LRRFIP1: variants seen among roughly 807,000 people sequenced by gnomAD.
LRRFIP1 encodes leucine-rich repeat flightless-interacting protein 1.
A neutral mutation model predicts 104.4 loss-of-function variants in LRRFIP1; 62 were observed. That is an observed-to-expected ratio of 0.59 (90% confidence interval 0.48 to 0.73). The LOEUF is 0.73. Ranked by LOEUF, LRRFIP1 falls within the 30% of genes least tolerant of loss-of-function variation. LRRFIP1 has a pLI of 0.00. For missense variants in LRRFIP1, 796 were observed against 824.5 expected, an observed-to-expected ratio of 0.97 and a Z score of 0.42; for synonymous variants, 300 against 299.0, an observed-to-expected ratio of 1.00 and a Z score of -0.03.
In LRRFIP1 at chr2:237,708,635, C is replaced by T. The variant is rs752576293; in HGVS notation, c.183+5C>T. 19 of 1,593,656 alleles carry T rather than the reference C, an allele frequency of 1.2e-5. No individual in the cohort carries two copies. Among genetic ancestry groups the T allele is most frequent in the Admixed American group, 3.5e-5 (2 of 57,518 alleles). ...CTGGAGCGGCAGCAGAAGGAGGTAA[C>T]GCTTGGGGCTCCTTGTTGGGTCTTT... is the stretch of plus-strand genomic sequence containing the variant. On this transcript the variant is annotated splice_donor_5th_base_variant and intron_variant, in intron 2 of 23. Coordinates refer to ENST00000308482, the MANE Select transcript of LRRFIP1 (RefSeq NM_001137550.2).
In LRRFIP1 at chr2:237,649,746, G is replaced by A. The variant is rs542043666; in HGVS notation, c.96+22006G>A. Among the ~76,000 whole-genome samples the A allele has an allele frequency of 5.3e-5, 8 of 152,076 alleles. No homozygotes were observed. The highest frequency in any genetic ancestry group is 1.9e-4 in the East Asian group (1 of 5,186). On this transcript the variant is annotated intron_variant, in intron 1 of 23. Coordinates refer to ENST00000308482, the MANE Select transcript of LRRFIP1 (RefSeq NM_001137550.2). The surrounding 1 kb of genome is among the most constrained non-coding windows in gnomAD (Gnocchi z 4.1). ...CCCTGCCGCGGTTCGGAAGCTCCAC[G>A]GGGGCCAGTGTTGTTCAGGCCTCAC...
At chr2:237,684,843 T>C (rs546075574) in intron 1 of LRRFIP1, among the ~76,000 whole-genome samples, 2 of 152,048 alleles carry the variant, frequency 1.3e-5, no homozygotes, top group East Asian at 3.9e-4. Context: ...TTCCAACACT[T>C]TGGGAGGCCA....
At chr2:237,770,988 T>C (rs762087614) in intron 20 of LRRFIP1, among the ~76,000 whole-genome samples, 3 of 152,198 alleles carry the variant, frequency 2.0e-5, no homozygotes, top group Non-Finnish European at 4.4e-5. Context: ...AAGATTCTCT[T>C]GAAGTTCCTG....
At chr2:237,737,184 C>T (rs1479388783) in intron 10 of LRRFIP1, among the ~76,000 whole-genome samples, 3 of 152,200 alleles carry the variant, frequency 2.0e-5, no homozygotes, top group African/African-American at 4.8e-5. Context: ...AAAGCTGGGA[C>T]GTAGTCATCA....
rs187380062 is a variant in LRRFIP1 at position 237,749,064 on chromosome 2, C to G, written c.670-135C>G. The G allele has an allele frequency of 2.4e-4, 195 of 825,978 alleles. 3 individuals carry two copies. In the Middle Eastern group the frequency reaches 4.1e-3, roughly 17 times the overall value. The allele number at this position is 825,978 out of a possible 1,614,324, so 51.2% of individuals were successfully genotyped here. ...CACGAGAACAGCATGGGGGAAACTG[C>G]CCCCGTGATCCAGTCTCCTCCCACC... On this transcript the variant is annotated intron_variant, in intron 12 of 23. Coordinates refer to ENST00000308482, the MANE Select transcript of LRRFIP1 (RefSeq NM_001137550.2).
intron 1 of LRRFIP1, among the ~76,000 whole-genome samples, chr2:237,705,497 A>G (rs944799644): frequency 6.6e-6 from 1 of 152,040 alleles, no homozygotes; most frequent in Non-Finnish European, 1.5e-5. Flanking sequence ...CCCTGTCTGT[A>G]CAAAAAAATA....
In LRRFIP1 at chr2:237,687,088, G is replaced by A. The variant is rs535573461; in HGVS notation, c.97-21456G>A. Among the ~76,000 whole-genome samples, 8 of 152,356 alleles carry A rather than the reference G, an allele frequency of 5.3e-5. No homozygotes were observed. The East Asian group carries it at 7.7e-4, about 15-fold the overall frequency. On this transcript the variant is annotated intron_variant, in intron 1 of 23. Coordinates refer to ENST00000308482, the MANE Select transcript of LRRFIP1 (RefSeq NM_001137550.2). Reference sequence around the variant, plus strand: ...AGGAAGCAGCTCTGCGTCAGGCGGCGTGCCGCTGGTGCATTCCATCATGAT... The same window carrying A: ...AGGAAGCAGCTCTGCGTCAGGCGGCATGCCGCTGGTGCATTCCATCATGAT...
chr2:237,724,766 ATAAATGTATATGT>A (rs1314849298), intron 7 of LRRFIP1, among the ~76,000 whole-genome samples: 1 of 152,210 alleles, frequency 6.6e-6, no homozygotes, highest in East Asian at 1.9e-4. Context: ...CCCCAGTGGG[ATAAATGTATATGT>A]TAGCAATGGT....
chr2:237,708,050 C>T (rs2150013510), intron 1 of LRRFIP1, among the ~76,000 whole-genome samples: 1 of 152,254 alleles, frequency 6.6e-6, no homozygotes, highest in South Asian at 2.1e-4. Flanking sequence ...GGCAGCCTCT[C>T]CAGGCCTTCA....
At chr2:237,627,947 C>T (rs897569433) in intron 1 of LRRFIP1, among the ~76,000 whole-genome samples, 2 of 150,946 alleles carry the variant, frequency 1.3e-5, no homozygotes, top group Non-Finnish European at 3.0e-5. Flanking sequence ...CTGCGGACCC[C>T]GCACCCGTTC....
intron 19 of LRRFIP1, among the ~76,000 whole-genome samples, chr2:237,761,858 A>G (rs935354441): frequency 6.6e-6 from 1 of 152,194 alleles, no homozygotes; most frequent in Non-Finnish European, 1.5e-5. Context: ...GGAGAGTCCA[A>G]AAATTCCAAA....
In LRRFIP1 at chr2:237,717,748, C is replaced by T. The variant is rs2094395130; in HGVS notation, c.202-14C>T. The T allele has an allele frequency of 6.2e-7, 1 of 1,603,454 alleles. No individual in the cohort carries two copies. Among genetic ancestry groups the T allele is most frequent in the Non-Finnish European group, 8.5e-7 (1 of 1,170,290 alleles). On this transcript the variant is annotated splice_polypyrimidine_tract_variant and intron_variant, in intron 3 of 23. Transcript: ENST00000308482. The surrounding 1 kb of genome is among the most constrained non-coding windows in gnomAD (Gnocchi z 4.2). The stretch of plus-strand genomic sequence containing the variant: ...TTCACTTCTTGCCTAATTTTCTTTC[C>T]CTTCTGTCTATAGAAATATTATGGG...
At chr2:237,740,750 G>A (rs2095391683) in intron 11 of LRRFIP1, among the ~76,000 whole-genome samples, 1 of 152,184 alleles carries the variant, frequency 6.6e-6, no homozygotes, top group Admixed American at 6.5e-5. Flanking sequence ...AGAAAACCCA[G>A]GATCTCTGGC....
At chr2:237,693,218 T>G (rs955496035) in intron 1 of LRRFIP1, among the ~76,000 whole-genome samples, 1 of 152,206 alleles carries the variant, frequency 6.6e-6, no homozygotes, top group Non-Finnish European at 1.5e-5. Context: ...AGTGAAAGGG[T>G]GCACTTTGGA....
intron 7 of LRRFIP1, among the ~76,000 whole-genome samples, chr2:237,726,418 A>G (rs1005065474): frequency 6.6e-6 from 1 of 152,168 alleles, no homozygotes; most frequent in Non-Finnish European, 1.5e-5. Flanking sequence ...TCCCCCGGAT[A>G]AGGAACCATG....
intron 11 of LRRFIP1, among the ~76,000 whole-genome samples, chr2:237,740,912 G>A (rs2095396852): frequency 6.6e-6 from 1 of 152,188 alleles, no homozygotes; most frequent in African/African-American, 2.4e-5. Flanking sequence ...ATCCAGCCAT[G>A]GAGAGCAGGA....
In LRRFIP1 at chr2:237,688,762, G is replaced by A. The variant is rs1575490174; in HGVS notation, c.97-19782G>A. Among the ~76,000 whole-genome samples the A allele has an allele frequency of 2.0e-5, 3 of 151,794 alleles. No individual in the cohort carries two copies. In the South Asian group the frequency reaches 6.2e-4, roughly 32 times the overall value. On this transcript the variant is annotated intron_variant, in intron 1 of 23. Coordinates refer to ENST00000308482, the MANE Select transcript of LRRFIP1 (RefSeq NM_001137550.2). ...GTGTGGGTCACTGTGCCTGGCCCCA[G>A]ATGCACCCTCTTCCGAGGAAACCCC...
In LRRFIP1 at chr2:237,763,095, C is replaced by T. The variant is rs1180958526; in HGVS notation, c.1459+2890C>T. ...GATGACAAATGTATGGTAGAGGTCCCCCAAGAGTTAGAGACAAGCACAGGG... is the reference window on the plus strand; with the variant it reads ...GATGACAAATGTATGGTAGAGGTCCTCCAAGAGTTAGAGACAAGCACAGGG... On this transcript the variant is annotated intron_variant, in intron 19 of 23. Transcript: ENST00000308482. 33 of 1,613,976 alleles carry T rather than the reference C, an allele frequency of 2.0e-5. No individual in the cohort carries two copies. Among genetic ancestry groups the T allele is most frequent in the Non-Finnish European group, 2.6e-5 (31 of 1,180,036 alleles).
chr2:237,635,691 G>A (rs1186257788), intron 1 of LRRFIP1, among the ~76,000 whole-genome samples: 4 of 152,056 alleles, frequency 2.6e-5, no homozygotes, highest in African/African-American at 9.7e-5. Context: ...TGGGCATGGT[G>A]ATGCATGCCT....
Sources: gnomAD v4.1 joint callset for allele counts (sites outside exome capture counted in the v4.1 genomes callset) on GRCh38, gnomAD v4.1.1 for gene constraint, Gnocchi (gnomAD v3.1) non-coding constraint, MANE v1.5 for transcripts, NCBI Gene and HGNC (gene_info 2026-07-23, HGNC 2026-07-21) for gene names.